Variants in TACR1 observed in about 807,000 individuals in gnomAD.
TACR1 encodes tachykinin receptor 1, also known as substance-P receptor.
A neutral mutation model predicts 35.8 loss-of-function variants in TACR1; 25 were observed. The ratio of observed to expected loss-of-function variants is 0.70; its 90% confidence interval spans 0.51 to 0.98. The LOEUF is 0.98. Ranked by LOEUF, TACR1 falls within the 50% of genes least tolerant of loss-of-function variation. TACR1 has a pLI of 0.00. For synonymous variants in TACR1, 195 were observed against 206.7 expected (o/e 0.94, Z 0.48); for missense variants, 478 against 522.9 (o/e 0.91, Z 0.84).
chr2:75,127,277 G>C (rs1674091885), intron 1 of TACR1, among the ~76,000 whole-genome samples: 1 of 152,148 alleles, frequency 6.6e-6, no homozygotes, highest in Admixed American at 6.6e-5. Context: ...TATCTATTCA[G>C]CTAAGCTCAA....
At chr2:75,074,160 G>A (rs960405696) in intron 2 of TACR1, among the ~76,000 whole-genome samples, 7 of 152,088 alleles carry the variant, frequency 4.6e-5, no homozygotes, top group Admixed American at 1.3e-4. Flanking sequence ...TTTCACAAGC[G>A]GGGCAAGCTG....
At chr2:75,193,528 A>G (rs1430684657) in intron 1 of TACR1, among the ~76,000 whole-genome samples, 2 of 152,196 alleles carry the variant, frequency 1.3e-5, no homozygotes, top group Non-Finnish European at 2.9e-5. Context: ...CAACTCCTCA[A>G]TTCATTCCCT....
At chr2:75,122,596 G>A (rs914384106) in intron 1 of TACR1, among the ~76,000 whole-genome samples, 3 of 152,118 alleles carry the variant, frequency 2.0e-5, no homozygotes, top group African/African-American at 7.2e-5. Context: ...GTGGGTAGGT[G>A]GTCTTAAAGT....
In TACR1 at chr2:75,136,049, A is replaced by T. The variant is rs555238228; in HGVS notation, c.390-15281T>A. Among the ~76,000 whole-genome samples, 26 of 152,338 alleles carry T rather than the reference A, an allele frequency of 1.7e-4. 1 individual carries two copies. Among genetic ancestry groups the T allele is most frequent in the African/African-American group, 4.6e-4 (19 of 41,588 alleles). On this transcript the variant is annotated intron_variant, in intron 1 of 4. Coordinates refer to ENST00000305249, the MANE Select transcript of TACR1 (RefSeq NM_001058.4). Reference sequence around the variant, plus strand: ...AGCAGCACAGATTGTGAATGTCAGGATTGCACAGGCGGAGAAAAGCACCTC... The same window carrying T: ...AGCAGCACAGATTGTGAATGTCAGGTTTGCACAGGCGGAGAAAAGCACCTC...
intron 2 of TACR1, among the ~76,000 whole-genome samples, chr2:75,072,481 GA>G (rs1672902145): frequency 6.6e-6 from 1 of 152,210 alleles, no homozygotes; most frequent in African/African-American, 2.4e-5. Flanking sequence ...TGAGGTTGGG[GA>G]TCGTCCATGA....
At chr2:75,134,524 C>T (rs1572949436) in intron 1 of TACR1, among the ~76,000 whole-genome samples, 1 of 152,132 alleles carries the variant, frequency 6.6e-6, no homozygotes, top group East Asian at 1.9e-4. Flanking sequence ...ACATTTACGC[C>T]TGGGCAGGGA....
intron 1 of TACR1, among the ~76,000 whole-genome samples, chr2:75,190,736 G>C (rs1348677804): frequency 1.3e-5 from 2 of 152,146 alleles, no homozygotes; most frequent in African/African-American, 2.4e-5. Context: ...TAAATACCTT[G>C]CATATGTACA....
chr2:75,061,484 G>C (rs550617176), intron 2 of TACR1, among the ~76,000 whole-genome samples: 3 of 152,140 alleles, frequency 2.0e-5, no homozygotes, highest in African/African-American at 4.8e-5. Context: ...GAAGGAAGCT[G>C]TCTGTGTGTT....
At chr2:75,124,215 A>G (rs1572943791) in intron 1 of TACR1, among the ~76,000 whole-genome samples, 2 of 152,352 alleles carry the variant, frequency 1.3e-5, no homozygotes, top group South Asian at 2.1e-4. Context: ...CTCTTGCATG[A>G]TGATGCTTTA....
At chr2:75,092,850 G>A (rs1673337195) in intron 2 of TACR1, among the ~76,000 whole-genome samples, 1 of 152,092 alleles carries the variant, frequency 6.6e-6, no homozygotes, top group Admixed American at 6.5e-5. Context: ...TCTATAATCT[G>A]GTTCACTAGA....
At chr2:75,186,392 AGAAAG>A (rs1432890326) in intron 1 of TACR1, among the ~76,000 whole-genome samples, 1 of 147,890 alleles carries the variant, frequency 6.8e-6, no homozygotes, top group Non-Finnish European at 1.5e-5. Flanking sequence ...AAAAAAAAAA[AGAAAG>A]AAAGTCTTGG....
chr2:75,093,447 A>C (rs959024542), intron 2 of TACR1, among the ~76,000 whole-genome samples: 10 of 152,160 alleles, frequency 6.6e-5, no homozygotes, highest in African/African-American at 2.4e-4. Context: ...ATCTACTGCT[A>C]ATCTCCCCTG....
chr2:75,052,829 C>A (rs1672493946), intron 3 of TACR1, among the ~76,000 whole-genome samples: 1 of 151,754 alleles, frequency 6.6e-6, no homozygotes, highest in African/African-American at 2.4e-5. Context: ...GGGAGAGAGG[C>A]TTTCCATGAT....
At chr2:75,084,659 G>T (rs1212482855) in intron 2 of TACR1, among the ~76,000 whole-genome samples, 4 of 152,110 alleles carry the variant, frequency 2.6e-5, no homozygotes, top group East Asian at 3.9e-4. Flanking sequence ...GTCTTGGGAG[G>T]GTGTATGTGT....
intron 1 of TACR1, among the ~76,000 whole-genome samples, chr2:75,171,267 C>T (rs577515503): frequency 6.8e-4 from 103 of 152,310 alleles, no homozygotes; most frequent in African/African-American, 2.5e-3. Context: ...GGTGCAAGCC[C>T]CATGCCTTGG....
At chr2:75,186,445 T>G (rs1413052322) in intron 1 of TACR1, among the ~76,000 whole-genome samples, 1 of 151,850 alleles carries the variant, frequency 6.6e-6, no homozygotes, top group Non-Finnish European at 1.5e-5. Context: ...TAGTGGTGCT[T>G]AGGCAGTGAG....
chr2:75,152,738 A>G (rs1350787448), intron 1 of TACR1, among the ~76,000 whole-genome samples: 3 of 152,242 alleles, frequency 2.0e-5, no homozygotes, highest in African/African-American at 7.2e-5. Context: ...AGGTGTATAG[A>G]TCACAGCTCT....
At chr2:75,147,861 C>T (rs1674547783) in intron 1 of TACR1, among the ~76,000 whole-genome samples, 1 of 152,030 alleles carries the variant, frequency 6.6e-6, no homozygotes, top group African/African-American at 2.4e-5. Flanking sequence ...TCTCCTGCCT[C>T]AGCCTCAGGA....
intron 2 of TACR1, 49 bp from the exon 3 acceptor site, chr2:75,053,804 A>G: frequency 1.2e-6 from 2 of 1,611,326 alleles, no homozygotes; most frequent in Non-Finnish European, 1.7e-6. Context: ...TTATTATTTT[A>G]GGTTTTTAAT....
Sources: allele counts gnomAD v4.1 joint callset (sites outside exome capture counted in the v4.1 genomes callset), GRCh38; gene constraint gnomAD v4.1.1; transcripts MANE v1.5; gene names NCBI Gene and HGNC (gene_info 2026-07-23, HGNC 2026-07-21).